Variants in PTPN13 observed in about 807,000 individuals in gnomAD.
PTPN13 encodes the protein protein tyrosine phosphatase non-receptor type 13.
A neutral mutation model predicts 284.0 loss-of-function variants in PTPN13; 191 were observed. That is an observed-to-expected ratio of 0.67 (90% CI 0.60 to 0.76). The LOEUF (loss-of-function observed/expected upper bound fraction) is 0.76, where lower values mean the gene tolerates loss of function less well. Among genes scored for constraint, PTPN13 ranks in the 30% least tolerant of loss-of-function variants. The probability of loss-of-function intolerance (pLI) is 0.00; values close to 1 mark genes in which losing one functional copy is unlikely to be tolerated. For missense variants in PTPN13, 2,797 were observed against 2,939.9 expected, an observed-to-expected ratio of 0.95 and a Z score of 1.12; for synonymous variants, 986 against 1,022.3, an observed-to-expected ratio of 0.96 and a Z score of 0.68.
Position 86,722,368 on chromosome 4 carries a change from T to C in PTPN13, c.1542T>C (p.Leu514=). 6.2e-7 allele frequency: 1 copy of C among 1,613,798 alleles called. No homozygotes were observed. Residue 514 remains leucine, a synonymous_variant, in exon 10 of 48, where the codon CTT becomes CTC. Coordinates refer to ENST00000411767, the MANE Select transcript of PTPN13 (RefSeq NM_080683.3). The part of the protein sequence containing the change: ...YPGDTIKASM[L]DITRDPLREI... ...GAGACACAATCAAAGCGTCCATGCTTGACATCACCAGGGATCCGTTAAGAG... is the reference window on the plus strand; with the variant it reads ...GAGACACAATCAAAGCGTCCATGCTCGACATCACCAGGGATCCGTTAAGAG...
intron 3 of PTPN13, among the ~76,000 whole-genome samples, chr4:86,680,345 A>T (rs548183732): frequency 1.5e-5 from 2 of 133,938 alleles, no homozygotes; most frequent in African/African-American, 2.8e-5. Flanking sequence ...CTTTCTATCT[A>T]TCTCTATCTA....
chr4:86,745,255 C>A, intron 17 of PTPN13, 127 bp downstream of exon 17: 3 of 901,040 alleles, frequency 3.3e-6, no homozygotes, highest in Non-Finnish European at 3.3e-6. Context: ...ATAGCTAAAT[C>A]AAGTCTATAA....
Position 86,759,919 on chromosome 4 carries a change from T to TA in PTPN13, c.3553+847dup, listed in dbSNP as rs576207747. On this transcript the variant is annotated intron_variant, in intron 23 of 47. Transcript: ENST00000411767. Reference sequence around the variant, plus strand: ...ATTGAAGTGCTAGATACAAGTAAGTTACCTTCATGCCAAAGATATTGGGAA... The same window carrying TA: ...ATTGAAGTGCTAGATACAAGTAAGTTAACCTTCATGCCAAAGATATTGGGAA... 4.5e-3 allele frequency among the ~76,000 whole-genome samples: 681 copies of TA among 152,302 alleles called. 16 individuals carry two copies. Among genetic ancestry groups the TA allele is most frequent in the East Asian group, 2.7e-3 (14 of 5,192 alleles).
intron 10 of PTPN13, among the ~76,000 whole-genome samples, chr4:86,723,984 G>A (rs995770075): frequency 2.0e-5 from 3 of 152,116 alleles, no homozygotes; most frequent in Non-Finnish European, 2.9e-5. Context: ...TTCCTTCACA[G>A]TATTCTAAGG....
rs771923665 is a variant in PTPN13, at chr4:86,785,932, CT to C, written c.6342del (p.Glu2115ArgfsTer5). 5 of 1,534,734 alleles carry C rather than the reference CT, an allele frequency of 3.3e-6. No homozygotes were observed. In the South Asian group the frequency reaches 6.1e-5, roughly 19 times the overall value. Reference sequence around the variant, plus strand: ...GGTTCACCTTTACCTGAGTATTTTACTGAGGTAACAATAATACCTAAACAAC... The same window carrying C: ...GGTTCACCTTTACCTGAGTATTTTACGAGGTAACAATAATACCTAAACAAC... ...CDGSPLPEYF[T>X]EATKMNGCEE... is the part of the protein sequence containing the mutation. On this transcript the variant is annotated frameshift_variant, in exon 40 of 48. Coordinates refer to ENST00000411767, the MANE Select transcript of PTPN13 (RefSeq NM_080683.3). LOFTEE classifies it high-confidence loss of function.
At chr4:86,741,595 A>C (rs755118215) in intron 15 of PTPN13, 39 bp from the exon 16 acceptor site, 1 of 1,554,924 alleles carries the variant, frequency 6.4e-7, no homozygotes, top group African/African-American at 1.4e-5. Context: ...GTCACCATTT[A>C]CCAAAGTGTA....
At chr4:86,774,762 C>T (rs892288257) in intron 33 of PTPN13, among the ~76,000 whole-genome samples, 8 of 150,898 alleles carry the variant, frequency 5.3e-5, no homozygotes, top group South Asian at 2.1e-4. Context: ...ATGTGCACAA[C>T]GTGCAGGTTT....
chr4:86,815,093 A>G lies in PTPN13; in HGVS notation c.*542A>G, dbSNP rs1019407339. ...TTATCAGTTATCTGTTTGTTACTGC[A>G]TCATCTGTTTGTAATCATTATCTCA... On this transcript the variant is annotated 3_prime_UTR_variant, in exon 48 of 48. Coordinates refer to ENST00000411767, the MANE Select transcript of PTPN13 (RefSeq NM_080683.3). 8.5e-5 allele frequency: 13 copies of G among 152,672 alleles called. No homozygotes were observed. Among genetic ancestry groups the G allele is most frequent in the Admixed American group, 4.6e-4 (7 of 15,278 alleles). 9.5% of individuals were successfully genotyped at this position (152,672 alleles called of 1,614,324 possible).
chr4:86,770,563 A>G (rs1739871102), intron 30 of PTPN13, among the ~76,000 whole-genome samples: 1 of 152,192 alleles, frequency 6.6e-6, no homozygotes. Flanking sequence ...GATGCATTAT[A>G]AATAGCATTT....
Position 86,771,449 on chromosome 4 carries a change from T to G in PTPN13, c.5082T>G (p.His1694Gln), listed in dbSNP as rs781287072. Residue 1694 changes from histidine (H) to glutamine (Q), a missense_variant, in exon 31 of 48, where the codon CAT becomes CAG. His to Gln is a conservative substitution (Grantham distance 24, BLOSUM62 0). Transcript: ENST00000411767. ...SNMVSQAQSHHEAPKSQEDTI... is the reference protein window; with the variant it reads ...SNMVSQAQSHQEAPKSQEDTI... ...TGGTATCACAGGCACAGAGTCATCA[T>G]GAAGCACCCAAGAGTCAAGAAGATA... 6.4e-7 allele frequency: 1 copy of G among 1,565,712 alleles called. No homozygotes were observed. The highest frequency in any genetic ancestry group is 8.7e-7 in the Non-Finnish European group (1 of 1,153,518).
chr4:86,633,170 A>G (rs1342455291), intron 1 of PTPN13, among the ~76,000 whole-genome samples: 2 of 152,084 alleles, frequency 1.3e-5, no homozygotes, highest in Non-Finnish European at 2.9e-5. Flanking sequence ...GCCACTATCT[A>G]AATTTTAGGA....
intron 7 of PTPN13, among the ~76,000 whole-genome samples, chr4:86,702,947 T>G (rs964000379): frequency 1.3e-5 from 2 of 152,146 alleles, no homozygotes; most frequent in Non-Finnish European, 2.9e-5. Flanking sequence ...TATATTTCCT[T>G]TAAAGTATTC....
chr4:86,735,636 G>T lies in PTPN13; in HGVS notation c.2194G>T (p.Ala732Ser). The T allele has an allele frequency of 2.5e-6, 4 of 1,613,406 alleles. No homozygotes were observed. The highest frequency in any genetic ancestry group is 1.7e-4 in the Middle Eastern group (1 of 6,058). ...SYFRMEHYLP[A>S]RVMEKLDLSY... ...CTTTAGAATGGAGCACTATTTGCCC[G>T]CCAGAGTGATGGAGAAACTTGATTT... is the stretch of plus-strand genomic sequence containing the variant. Residue 732 changes from alanine to serine, a missense_variant, in exon 15 of 48, where the codon GCC (alanine) becomes TCC (serine). By Grantham distance (99) the Ala-to-Ser change is moderately conservative. Transcript: ENST00000411767.
intron 1 of PTPN13, among the ~76,000 whole-genome samples, chr4:86,607,748 G>A (rs1223760987): frequency 2.0e-5 from 3 of 151,990 alleles, no homozygotes; most frequent in Admixed American, 6.6e-5. Context: ...CTAAATTCAT[G>A]AGTTTTTTTA....
At chr4:86,677,108 A>T (rs1335045651) in intron 3 of PTPN13, among the ~76,000 whole-genome samples, 5 of 151,864 alleles carry the variant, frequency 3.3e-5, no homozygotes, top group Non-Finnish European at 1.5e-5. Context: ...TCTACTAAAA[A>T]TACAAAAAAT....
At chr4:86,622,934 C>T (rs1267065466) in intron 1 of PTPN13, among the ~76,000 whole-genome samples, 1 of 152,186 alleles carries the variant, frequency 6.6e-6, no homozygotes, top group Non-Finnish European at 1.5e-5. Context: ...AAACCAACTC[C>T]TTTCACAGGC....
chr4:86,812,283 C>T (rs561310610), intron 47 of PTPN13, among the ~76,000 whole-genome samples: 281 of 131,838 alleles, frequency 2.1e-3, no homozygotes, highest in African/African-American at 7.6e-3. Context: ...GCACTCCAGC[C>T]TGGGCGACAG....
chr4:86,709,031 G>A (rs1303281027), intron 7 of PTPN13, among the ~76,000 whole-genome samples: 1 of 150,572 alleles, frequency 6.6e-6, no homozygotes, highest in Non-Finnish European at 1.5e-5. Flanking sequence ...CTCTGAATTT[G>A]TGTGTATGTA....
intron 45 of PTPN13, among the ~76,000 whole-genome samples, chr4:86,808,276 A>T (rs1034091952): frequency 6.6e-6 from 1 of 152,238 alleles, no homozygotes; most frequent in African/African-American, 2.4e-5. Flanking sequence ...TAAGTAGAAA[A>T]TATTCCCTCA....
Sources: allele counts gnomAD v4.1 joint callset (sites outside exome capture counted in the v4.1 genomes callset), GRCh38; gene constraint gnomAD v4.1.1; transcripts MANE v1.5; gene names NCBI Gene and HGNC (gene_info 2026-07-23, HGNC 2026-07-21).